Variants in TEP1 observed in about 807,000 individuals in gnomAD.
TEP1 encodes telomerase protein component 1.
TEP1 carries 241 observed loss-of-function variants against 306.3 expected under a neutral mutation model. The ratio of observed to expected loss-of-function variants is 0.79; its 90% confidence interval spans 0.71 to 0.88. The LOEUF (loss-of-function observed/expected upper bound fraction) is 0.88, where lower values mean the gene tolerates loss of function less well. Ranked by LOEUF, TEP1 falls within the 40% of genes least tolerant of loss-of-function variation. The pLI is 0.00. For missense variants in TEP1, 3,051 were observed against 3,276.1 expected, an observed-to-expected ratio of 0.93 and a Z score of 1.68; for synonymous variants, 1,289 against 1,305.5, an observed-to-expected ratio of 0.99 and a Z score of 0.27.
intron 9 of TEP1, among the ~76,000 whole-genome samples, chr14:20,397,039 G>A (rs1453336489): frequency 6.6e-6 from 1 of 152,152 alleles, no homozygotes; most frequent in Non-Finnish European, 1.5e-5. Context: ...TAAAGGCTTG[G>A]AAAGATTAAA....
In TEP1 at chr14:20,407,897, T is replaced by C; in HGVS notation, c.543A>G (p.Thr181=). ...CPIALKSISA[T]ETAQEATLGR... ...CCAAAGTTGCTTCCTGAGCTGTCTC[T>C]GTGGCAGAGATGGATTTCAGGGCTA... Residue 181 remains threonine (T), a synonymous_variant, in exon 2 of 55, where the codon ACA becomes ACG. Transcript: ENST00000262715. The C allele has an allele frequency of 6.2e-7, 1 of 1,603,586 alleles. No individual in the cohort carries two copies. The highest frequency in any genetic ancestry group is 8.5e-7 in the Non-Finnish European group (1 of 1,174,024).
At position 20,366,998 on chromosome 14, in the gene TEP1, G is replaced by A. The variant is rs555671758; in HGVS notation, c.*1439C>T. 6.6e-6 allele frequency: 1 copy of A among 152,268 alleles called. No homozygotes were observed. The highest frequency in any genetic ancestry group is 6.5e-5 in the Admixed American group (1 of 15,300). The allele number at this position is 152,268 out of a possible 1,614,324, so 9.4% of individuals were successfully genotyped here. Reference sequence around the variant, plus strand: ...CCCCAGCTAAGGCTGGAGTAACAGAGGAGGAAAGTTAAGCAAAGGCTAACC... The same window carrying A: ...CCCCAGCTAAGGCTGGAGTAACAGAAGAGGAAAGTTAAGCAAAGGCTAACC... On this transcript the variant is annotated 3_prime_UTR_variant, in exon 55 of 55. Coordinates refer to ENST00000262715, the MANE Select transcript of TEP1 (RefSeq NM_007110.5).
intron 23 of TEP1, 72 bp from the exon 24 acceptor site, chr14:20,384,304 G>GC: frequency 6.2e-7 from 1 of 1,608,140 alleles, no homozygotes. Context: ...AACTCACAGA[G>GC]CCCCCGCCAA....
intron 5 of TEP1, 58 bp from the exon 6 acceptor site, chr14:20,403,942 A>C (rs112374310): frequency 0.029 from 46,031 of 1,608,864 alleles, 699 homozygotes; most frequent in Non-Finnish European, 0.033. Flanking sequence ...CCTCCAAAAC[A>C]AAACGAGATC....
At chr14:20,384,295 A>T in intron 23 of TEP1, 63 bp from the exon 24 acceptor site, 1 of 1,607,796 alleles carries the variant, frequency 6.2e-7, no homozygotes, top group Non-Finnish European at 8.5e-7. Flanking sequence ...CCAGGCTAAA[A>T]CTCACAGAGC....
At chr14:20,411,965 A>G (rs1879713099) in intron 1 of TEP1, among the ~76,000 whole-genome samples, 1 of 151,888 alleles carries the variant, frequency 6.6e-6, no homozygotes, top group African/African-American at 2.4e-5. Context: ...AAAGGAATGT[A>G]TTTTCTTACT....
chr14:20,411,520 AT>A (rs1469434449), intron 1 of TEP1, among the ~76,000 whole-genome samples: 1 of 152,104 alleles, frequency 6.6e-6, no homozygotes, highest in Non-Finnish European at 1.5e-5. Context: ...CACAACACCC[AT>A]ATGTCCCCTA....
chr14:20,410,018 CTCAAAAAAAAAAAA>C (rs1879520426), intron 1 of TEP1, among the ~76,000 whole-genome samples: 1 of 28,262 alleles, frequency 3.5e-5, no homozygotes, highest in African/African-American at 1.7e-4. Flanking sequence ...AAGACTCTGT[CTCAAAAAAAAAAAA>C]AAAAAAAAAA....
chr14:20,377,454 C>T lies in TEP1; in HGVS notation c.5914G>A (p.Val1972Met), dbSNP rs781559597. 1 of 1,614,144 alleles carries T rather than the reference C, an allele frequency of 6.2e-7. No individual in the cohort carries two copies. Among genetic ancestry groups the T allele is most frequent in the Non-Finnish European group, 8.5e-7 (1 of 1,180,018 alleles). ...GAQGQALDVA[V>M]SALAWLSPKV... is the part of the protein sequence containing the mutation. ...GGGCTTAGCCAGGCCAGGGCGGACACTGCCACATCCAGTGCCTGACCCTGA... is the reference window on the plus strand; with the variant it reads ...GGGCTTAGCCAGGCCAGGGCGGACATTGCCACATCCAGTGCCTGACCCTGA... Residue 1972 changes from valine to methionine, a missense_variant, in exon 41 of 55, where the codon GTG becomes ATG. By Grantham distance (21) the Val-to-Met change is conservative. Around this residue, in one of 3 missense-constraint regions of TEP1, gnomAD observed 1,540 missense variants for 1,705.9 expected, o/e 0.90. Transcript: ENST00000262715.
Position 20,377,719 on chromosome 14 carries a change from C to T in TEP1, c.5756G>A (p.Arg1919His), listed in dbSNP as rs772081432. 1.4e-5 allele frequency: 22 copies of T among 1,613,890 alleles called. No homozygotes were observed. The highest frequency in any genetic ancestry group is 1.3e-4 in the Admixed American group (8 of 59,996). The change falls in exon 40 of 55, where the codon CGT becomes CAT. Residue 1919 changes from arginine (R) to histidine (H), a missense_variant. By Grantham distance (29) the Arg-to-His change is conservative. Around this residue, in one of 3 missense-constraint regions of TEP1, gnomAD observed 1,540 missense variants for 1,705.9 expected, o/e 0.90. Coordinates refer to ENST00000262715, the MANE Select transcript of TEP1 (RefSeq NM_007110.5). ...GAGAGAAAGGGAACCCAGGTGCCCA[C>T]GGGGCCGACCCAGAGACCCTGACCA... ...QVWSGSLGRP[R>H]GHLGSLSLSP...
At position 20,381,953 on chromosome 14, in the gene TEP1, G is replaced by C; in HGVS notation, c.4384C>G (p.Pro1462Ala). 6.2e-7 allele frequency: 1 copy of C among 1,614,108 alleles called. No homozygotes were observed. Among genetic ancestry groups the C allele is most frequent in the Non-Finnish European group, 8.5e-7 (1 of 1,180,032 alleles). ...VAAGNSGDPY[P>A]MGPFACLVQS... ...ACGAGGCAGGCAAACGGGCCCATGG[G>C]GTAGGGGTCTCCACTGTTACCAGCA... Residue 1462 changes from proline to alanine, a missense_variant, in exon 30 of 55, where the codon CCC (proline) becomes GCC (alanine). Physicochemically the swap from Pro to Ala is conservative, Grantham distance 27. Transcript: ENST00000262715. This position sits in a 1 kb window ranked among gnomAD's most constrained non-coding sequence, Gnocchi z 4.0.
Position 20,391,755 on chromosome 14 carries a change from A to G in TEP1, c.1941T>C (p.Tyr647=), listed in dbSNP as rs1566468178. 6.2e-7 allele frequency: 1 copy of G among 1,613,962 alleles called. No homozygotes were observed. The highest frequency in any genetic ancestry group is 1.1e-5 in the South Asian group (1 of 91,080). ...LRVHKARQWK[Y]DGEMLNRYRQ... ...GGTACCTGTTCAGCATCTCACCATC[A>G]TATTTCCACTGTCTACATGCAAGAA... Residue 647 remains tyrosine (Y), a synonymous_variant, in exon 13 of 55, where the codon TAT becomes TAC. Coordinates refer to ENST00000262715, the MANE Select transcript of TEP1 (RefSeq NM_007110.5).
Position 20,373,101 on chromosome 14 carries a change from A to G in TEP1, c.6861T>C (p.Ala2287=). The G allele has an allele frequency of 6.2e-7, 1 of 1,614,220 alleles. No homozygotes were observed. The highest frequency in any genetic ancestry group is 8.5e-7 in the Non-Finnish European group (1 of 1,180,036). ...PRSSAAVTAV[A]WAPDGSMAVS... ...CTGCCATGGAACCATCTGGTGCCCA[A>G]GCCACAGCAGTGACGGCTGCAGAAC... is the stretch of plus-strand genomic sequence containing the variant. Residue 2287 remains alanine (A), a synonymous_variant, in exon 48 of 55, where the codon GCT becomes GCC. Transcript: ENST00000262715.
chr14:20,402,316 A>G (rs189943888), intron 7 of TEP1, among the ~76,000 whole-genome samples: 320 of 152,348 alleles, frequency 2.1e-3, no homozygotes, highest in Middle Eastern at 0.014. Context: ...TCAAAAATAA[A>G]TAAATAAATA....
chr14:20,391,929 G>T (rs1329137494), intron 12 of TEP1, among the ~76,000 whole-genome samples, 162 bp from the exon 13 acceptor site: 1 of 151,720 alleles, frequency 6.6e-6, no homozygotes, highest in East Asian at 1.9e-4. Context: ...AGAGGACTGG[G>T]AGAGAGCTTC....
rs147582486 is a variant in TEP1 at position 20,405,488 on chromosome 14, C to G, written c.833G>C (p.Arg278Pro). Residue 278 changes from arginine (R) to proline (P), a missense_variant, in exon 4 of 55, where the codon CGT (arginine) becomes CCT (proline). Physicochemically the swap from Arg to Pro is moderately radical, Grantham distance 103. Coordinates refer to ENST00000262715, the MANE Select transcript of TEP1 (RefSeq NM_007110.5). Reference protein sequence around the residue: ...PTLAAIFEICRELALLEPEFI... With the variant: ...PTLAAIFEICPELALLEPEFI... ...CTCAGGCTCCAGGAGGGCAAGTTCA[C>G]GACAGATTTCAAAAATGGCAGCCAG... The G allele has an allele frequency of 6.2e-7, 1 of 1,614,074 alleles. No homozygotes were observed. Among genetic ancestry groups the G allele is most frequent in the Non-Finnish European group, 8.5e-7 (1 of 1,180,012 alleles).
rs1011995439 is a variant in TEP1, at chr14:20,375,961, G to A, written c.6250-93C>T. 25 of 1,481,538 alleles carry A rather than the reference G, an allele frequency of 1.7e-5. No homozygotes were observed. The African/African-American group carries it at 2.9e-4, about 17-fold the overall frequency. 91.8% of individuals were successfully genotyped at this position (1,481,538 alleles called of 1,614,324 possible). On this transcript the variant is annotated intron_variant, in intron 42 of 54. Coordinates refer to ENST00000262715, the MANE Select transcript of TEP1 (RefSeq NM_007110.5). ...AGGCAAGAAATTTCAAGGAAAGAGG[G>A]GCACAAGGAAGCACAGGCAGACAGA...
At chr14:20,393,715 A>AG (rs1214991991) in intron 12 of TEP1, among the ~76,000 whole-genome samples, 1 of 151,180 alleles carries the variant, frequency 6.6e-6, no homozygotes, top group African/African-American at 2.4e-5. Flanking sequence ...TCACTTGAAC[A>AG]GGGGAGGCAG....
In TEP1 at chr14:20,369,770, C is replaced by A. The variant is rs138309066; in HGVS notation, c.7327G>T (p.Glu2443Ter). ...AGCCTCTCTTCAAACTCTCCTGATT[C>A]CTTTTGCCTCTGTGAAAGAATAGGT... ...PGVLSFLRQK[E>*]SGEFEERLNF... The change falls in exon 52 of 55, where the codon GAA becomes TAA. Residue 2443 changes from glutamate (E) to a stop codon, truncating the protein, a stop_gained. Coordinates refer to ENST00000262715, the MANE Select transcript of TEP1 (RefSeq NM_007110.5). LOFTEE classifies it high-confidence loss of function. The A allele has an allele frequency of 1.9e-6, 3 of 1,613,880 alleles. No homozygotes were observed. In the East Asian group the frequency reaches 6.7e-5, roughly 36 times the overall value.
Sources: allele counts gnomAD v4.1 joint callset (sites outside exome capture counted in the v4.1 genomes callset), GRCh38; gene constraint gnomAD v4.1.1; regional missense constraint gnomAD v4.1.1; non-coding constraint Gnocchi (gnomAD v3.1); transcripts MANE v1.5; gene names NCBI Gene and HGNC (gene_info 2026-07-23, HGNC 2026-07-21).